LDB3: variants seen among roughly 807,000 people sequenced by gnomAD.
LDB3 encodes LIM domain binding 3.
Under a neutral mutation model 69.0 loss-of-function variants are expected in LDB3, and 49 were observed. That is an observed-to-expected ratio of 0.71 (90% CI 0.56 to 0.90). LDB3 has a LOEUF of 0.90. Among genes scored for constraint, LDB3 ranks in the 40% least tolerant of loss-of-function variants. LDB3 has a pLI of 0.00. For synonymous variants in LDB3, 387 were observed against 396.2 expected, an observed-to-expected ratio of 0.98 and a Z score of 0.28; for missense variants, 928 against 974.1, an observed-to-expected ratio of 0.95 and a Z score of 0.63.
chr10:86,708,812 C>T (rs958914143), intron 8 of LDB3, among the ~76,000 whole-genome samples: 17 of 152,290 alleles, frequency 1.1e-4, no homozygotes, highest in Admixed American at 8.5e-4. Flanking sequence ...TGGATCCACT[C>T]AGAAGCTTGG....
In LDB3 at chr10:86,732,592, C is replaced by G. The variant is rs59412880; in HGVS notation, c.2095-295C>G. The G allele has an allele frequency of 0.027, 12,527 of 470,508 alleles. 1,150 individuals carry two copies. The highest frequency in any genetic ancestry group is 0.21 in the African/African-American group (10,582 of 50,836). 29.1% of individuals were successfully genotyped at this position (470,508 alleles called of 1,614,324 possible). A position where few individuals can be genotyped will look rare whatever the true frequency, so the allele number is the denominator to read the frequency against. On this transcript the variant is annotated intron_variant, in intron 13 of 13. Coordinates refer to ENST00000361373, the MANE Select transcript of LDB3 (RefSeq NM_007078.3). ...TCACAGCTCACTGCAACCTCTGTCT[C>G]CCGGGTTCAAGAGATTCTTCTGCCT...
In LDB3 at chr10:86,717,974, C is replaced by T; in HGVS notation, c.1687C>T (p.Leu563=). ...HCNNVIRGPF[L]VAMGRSWHPE... ...TCTGTGCTTCCCCAGGGGCCCATTT[C>T]TGGTAGCCATGGGCCGTTCTTGGCA... Residue 563 remains leucine, a synonymous_variant, in exon 11 of 14, where the codon CTG becomes TTG. Coordinates refer to ENST00000361373, the MANE Select transcript of LDB3 (RefSeq NM_007078.3). 1.2e-6 allele frequency: 2 copies of T among 1,614,090 alleles called. No homozygotes were observed. Among genetic ancestry groups the T allele is most frequent in the Non-Finnish European group, 1.7e-6 (2 of 1,179,956 alleles).
At chr10:86,721,152 G>C (rs762552034) in intron 12 of LDB3, among the ~76,000 whole-genome samples, 1 of 152,186 alleles carries the variant, frequency 6.6e-6, no homozygotes, top group Non-Finnish European at 1.5e-5. Context: ...ACCTCATACT[G>C]TTTTCCATAA....
At chr10:86,709,229 G>T (rs965129280) in intron 8 of LDB3, among the ~76,000 whole-genome samples, 3 of 152,224 alleles carry the variant, frequency 2.0e-5, no homozygotes, top group Non-Finnish European at 4.4e-5. Flanking sequence ...AGACTCTCCT[G>T]AGGGTAATGA....
chr10:86,672,880 A>G (rs1844567173), intron 2 of LDB3, among the ~76,000 whole-genome samples: 1 of 152,204 alleles, frequency 6.6e-6, no homozygotes, highest in South Asian at 2.1e-4. Context: ...GGGCCTACAG[A>G]TATTGTGGGG....
chr10:86,687,284 CCT>C (rs1158862397), intron 5 of LDB3: 11 of 1,612,818 alleles, frequency 6.8e-6, no homozygotes, highest in Non-Finnish European at 9.3e-6. Context: ...TAAGCGCCTC[CCT>C]CCTCCACCGC....
chr10:86,698,486 C>A, intron 7 of LDB3, among the ~76,000 whole-genome samples: 1 of 152,202 alleles, frequency 6.6e-6, no homozygotes, highest in Admixed American at 6.5e-5. Flanking sequence ...TGGCCTTTCT[C>A]AGGTGCTCTC....
At chr10:86,715,287 A>G (rs1846825382) in intron 9 of LDB3, among the ~76,000 whole-genome samples, 1 of 152,140 alleles carries the variant, frequency 6.6e-6, no homozygotes, top group South Asian at 2.1e-4. Context: ...TGGGGGAATG[A>G]GGCCTCTTTG....
intron 2 of LDB3, among the ~76,000 whole-genome samples, chr10:86,677,723 C>A (rs12265236): frequency 0.014 from 2,116 of 152,312 alleles, 50 homozygotes; most frequent in African/African-American, 0.049. Context: ...CTGCACCCTG[C>A]CTTCTGGAGG....
intron 7 of LDB3, chr10:86,700,027 AAAG>A (rs1444339244): frequency 6.1e-6 from 6 of 986,390 alleles, no homozygotes; most frequent in Admixed American, 6.1e-5. Flanking sequence ...GTTCTGAAAT[AAAG>A]AAGATTTGAA....
At chr10:86,731,227 T>C (rs995631215) in intron 13 of LDB3, among the ~76,000 whole-genome samples, 5 of 56,444 alleles carry the variant, frequency 8.9e-5, no homozygotes, top group Non-Finnish European at 1.5e-4. Flanking sequence ...ATATCTACCT[T>C]TTTTTTTTTT....
At chr10:86,708,068 A>G (rs865818605) in intron 8 of LDB3, among the ~76,000 whole-genome samples, 2 of 152,310 alleles carry the variant, frequency 1.3e-5, no homozygotes, top group Middle Eastern at 6.8e-3. Context: ...TGGGGCCCCA[A>G]CCCTGCTCAA....
chr10:86,674,513 C>G (rs1226792217), intron 2 of LDB3, among the ~76,000 whole-genome samples: 1 of 152,178 alleles, frequency 6.6e-6, no homozygotes, highest in African/African-American at 2.4e-5. Context: ...CAAACACCTG[C>G]AGCCTTTCTT....
At chr10:86,705,881 T>C (rs115254946) in intron 7 of LDB3, among the ~76,000 whole-genome samples, 11,319 of 152,280 alleles carry the variant, frequency 0.074, 490 homozygotes, top group African/African-American at 0.081. Context: ...GGGGTCCTGC[T>C]GCTTCCTCAG....
At chr10:86,670,145 C>T (rs1188554797) in intron 2 of LDB3, among the ~76,000 whole-genome samples, 1 of 152,136 alleles carries the variant, frequency 6.6e-6, no homozygotes, top group Admixed American at 6.5e-5. Flanking sequence ...GGGGTGCTGG[C>T]CTGGCTCTGG....
upstream of LDB3, among the ~76,000 whole-genome samples, chr10:86,668,057 G>T (rs533400769): frequency 9.2e-5 from 14 of 152,302 alleles, no homozygotes; most frequent in African/African-American, 2.6e-4. Context: ...TATGATGATC[G>T]TTTTTATGGC....
At chr10:86,720,627 C>T (rs1048049693) in intron 12 of LDB3, among the ~76,000 whole-genome samples, 4 of 152,110 alleles carry the variant, frequency 2.6e-5, no homozygotes, top group Middle Eastern at 3.4e-3. Flanking sequence ...TGATATTGAT[C>T]GGTAGTTAAA....
At chr10:86,687,296 C>A (rs746491975) in intron 5 of LDB3, 157 of 1,607,448 alleles carry the variant, frequency 9.8e-5, no homozygotes, top group Non-Finnish European at 1.3e-4. Flanking sequence ...TCCTCCACCG[C>A]CACTCAGTGC....
chr10:86,709,980 C>T lies in LDB3; in HGVS notation c.1161C>T (p.Gly387=). Residue 387 remains glycine (G), a synonymous_variant, in exon 9 of 14, where the codon GGC becomes GGT. Coordinates refer to ENST00000361373, the MANE Select transcript of LDB3 (RefSeq NM_007078.3). ...APATHTSYSE[G]PAAPAPKPRV... is the part of the protein sequence containing the mutation. Reference sequence around the variant, plus strand: ...CCACCCACACCAGCTACAGTGAGGGCCCCGCCGCCCCTGCACCCAAGCCCC... The same window carrying T: ...CCACCCACACCAGCTACAGTGAGGGTCCCGCCGCCCCTGCACCCAAGCCCC... The T allele has an allele frequency of 6.2e-7, 1 of 1,613,118 alleles. No homozygotes were observed. The highest frequency in any genetic ancestry group is 8.5e-7 in the Non-Finnish European group (1 of 1,179,990).
Sources: gnomAD v4.1 joint callset for allele counts (sites outside exome capture counted in the v4.1 genomes callset) on GRCh38, gnomAD v4.1.1 for gene constraint, MANE v1.5 for transcripts, NCBI Gene and HGNC (gene_info 2026-07-23, HGNC 2026-07-21) for gene names.